The following TOP1 variants were observed in gnomAD, a reference collection of about 807,000 sequenced individuals.
TOP1 encodes DNA topoisomerase 1.
In TOP1, 10 loss-of-function variants were observed where a neutral mutation model predicts 111.1. The observed-to-expected ratio is 0.09, with a 90% confidence interval of 0.06 to 0.15. TOP1 has a LOEUF of 0.15. Ranked by LOEUF, TOP1 falls within the 10% of genes least tolerant of loss-of-function variation. The pLI, the probability that TOP1 is intolerant of heterozygous loss-of-function variation, is 1.00. For synonymous variants in TOP1, 271 were observed against 302.9 expected, an observed-to-expected ratio of 0.89 and a Z score of 1.10; for missense variants, 474 against 926.7, an observed-to-expected ratio of 0.51 and a Z score of 6.34.
intron 2 of TOP1, among the ~76,000 whole-genome samples, chr20:41,056,421 T>G (rs2033471673): frequency 6.6e-6 from 1 of 152,182 alleles, no homozygotes; most frequent in Non-Finnish European, 1.5e-5. Flanking sequence ...ATTAAGATAT[T>G]TGAAGAAGTT....
chr20:41,111,597 G>GCC (rs1290897472), intron 13 of TOP1, among the ~76,000 whole-genome samples: 15 of 58,342 alleles, frequency 2.6e-4, no homozygotes, highest in Non-Finnish European at 3.7e-4. Context: ...CCCACCCCCC[G>GCC]CCCCCTTTTT....
Position 41,095,503 on chromosome 20 carries a change from C to A in TOP1, c.731-1717C>A, listed in dbSNP as rs1000314568. 6.6e-6 allele frequency among the ~76,000 whole-genome samples: 1 copy of A among 152,168 alleles called. No homozygotes were observed. The highest frequency in any genetic ancestry group is 2.4e-5 in the African/African-American group (1 of 41,426). Reference sequence around the variant, plus strand: ...AATCTTTTAATACACAGCCTATCTTCCCCGAAGTGTCTTTCTTCCAAAGCA... The same window carrying A: ...AATCTTTTAATACACAGCCTATCTTACCCGAAGTGTCTTTCTTCCAAAGCA... On this transcript the variant is annotated intron_variant, in intron 9 of 20. Coordinates refer to ENST00000361337, the MANE Select transcript of TOP1 (RefSeq NM_003286.4). The surrounding 1 kb of genome is among the most constrained non-coding windows in gnomAD (Gnocchi z 4.6).
chr20:41,082,795 A>G lies in TOP1; in HGVS notation c.507+1555A>G, dbSNP rs972463531. The stretch of plus-strand genomic sequence containing the variant: ...CCACTTGCATATACCAAATCAGTAC[A>G]GACTAGTCAGTAAAGGAATATAAAA... On this transcript the variant is annotated intron_variant, in intron 7 of 20. Transcript: ENST00000361337. The surrounding 1 kb of genome is among the most constrained non-coding windows in gnomAD (Gnocchi z 4.1). Among the ~76,000 whole-genome samples, 1 of 152,042 alleles carries G rather than the reference A, an allele frequency of 6.6e-6. No homozygotes were observed. The highest frequency in any genetic ancestry group is 1.5e-5 in the Non-Finnish European group (1 of 68,018).
Position 41,098,594 on chromosome 20 carries a change from C to G in TOP1, c.975+257C>G, listed in dbSNP as rs2034014450. ...CCTAAAAACCAGTCAGTAACTCCAG[C>G]CAATAATATAGTAATTAAGGATGGG... is the stretch of plus-strand genomic sequence containing the variant. On this transcript the variant is annotated intron_variant, in intron 11 of 20. Coordinates refer to ENST00000361337, the MANE Select transcript of TOP1 (RefSeq NM_003286.4). This position sits in a 1 kb window ranked among gnomAD's most constrained non-coding sequence, Gnocchi z 5.7. 4 of 362,454 alleles carry G rather than the reference C, an allele frequency of 1.1e-5. No individual in the cohort carries two copies. The allele number at this position is 362,454 out of a possible 1,614,324, so 22.5% of individuals were successfully genotyped here. A position where few individuals can be genotyped will look rare whatever the true frequency, so the allele number is the denominator to read the frequency against.
At chr20:41,107,673 T>C (rs182855225) in intron 13 of TOP1, among the ~76,000 whole-genome samples, 273 of 152,374 alleles carry the variant, frequency 1.8e-3, no homozygotes, top group African/African-American at 6.2e-3. Context: ...TTCTATAAAA[T>C]GTTACCTGAA....
intron 8 of TOP1, among the ~76,000 whole-genome samples, chr20:41,090,062 C>T (rs1568692943): frequency 6.6e-6 from 1 of 152,088 alleles, no homozygotes; most frequent in Non-Finnish European, 1.5e-5. Context: ...CAACATCTGC[C>T]TCCCAGGTTC....
At position 41,067,934 on chromosome 20, in the gene TOP1, C is replaced by T. The variant is rs1025424988; in HGVS notation, c.155+6444C>T. ...GGTATTAAGAATCATTTCATCTTGT[C>T]TTCTCTTTGTGTGGACAGGAGTCTG... is the stretch of plus-strand genomic sequence containing the variant. On this transcript the variant is annotated intron_variant, in intron 3 of 20. Coordinates refer to ENST00000361337, the MANE Select transcript of TOP1 (RefSeq NM_003286.4). This position sits in a 1 kb window ranked among gnomAD's most constrained non-coding sequence, Gnocchi z 4.0. Among the ~76,000 whole-genome samples, 31 of 152,202 alleles carry T rather than the reference C, an allele frequency of 2.0e-4. No homozygotes were observed. The highest frequency in any genetic ancestry group is 4.4e-5 in the Non-Finnish European group (3 of 68,036).
intron 2 of TOP1, among the ~76,000 whole-genome samples, chr20:41,042,820 A>G (rs1453192951): frequency 6.6e-6 from 1 of 152,258 alleles, no homozygotes; most frequent in African/African-American, 2.4e-5. Context: ...TGTATTATAT[A>G]CTATGATCTC....
chr20:41,084,998 CAT>C (rs1347643033), intron 8 of TOP1, among the ~76,000 whole-genome samples: 3 of 151,000 alleles, frequency 2.0e-5, no homozygotes, highest in Non-Finnish European at 4.4e-5. Context: ...TGAAGCAAGA[CAT>C]AACCAGAGCC....
At chr20:41,036,433 T>C (rs2033186275) in intron 2 of TOP1, among the ~76,000 whole-genome samples, 1 of 152,270 alleles carries the variant, frequency 6.6e-6, no homozygotes, top group Non-Finnish European at 1.5e-5. Flanking sequence ...AACCTTGTTT[T>C]CTTATCCATA....
At chr20:41,086,578 G>A (rs1004209648) in intron 8 of TOP1, among the ~76,000 whole-genome samples, 3 of 152,222 alleles carry the variant, frequency 2.0e-5, no homozygotes, top group African/African-American at 4.8e-5. Flanking sequence ...AGGCAAGTGC[G>A]CTGGGTCCAG....
rs558801463 is a variant in TOP1, at chr20:41,052,509, C to T, written c.59-8885C>T. On this transcript the variant is annotated intron_variant, in intron 2 of 20. Coordinates refer to ENST00000361337, the MANE Select transcript of TOP1 (RefSeq NM_003286.4). ...TTGACCTTGTACTTGGTTTCCATAT[C>T]TGCAGCTTCATTGTCATTTTGGGTT... 1.5e-4 allele frequency among the ~76,000 whole-genome samples: 23 copies of T among 152,270 alleles called. 1 individual carries two copies. In the South Asian group the frequency reaches 4.8e-3, roughly 32 times the overall value.
intron 2 of TOP1, among the ~76,000 whole-genome samples, chr20:41,041,056 A>G (rs1369923000): frequency 1.3e-5 from 2 of 152,092 alleles, no homozygotes; most frequent in African/African-American, 4.8e-5. Context: ...CTTTCTAGGG[A>G]AGTCTGCCTG....
intron 13 of TOP1, among the ~76,000 whole-genome samples, chr20:41,111,669 G>C (rs2034244284): frequency 7.1e-6 from 1 of 140,964 alleles, no homozygotes; most frequent in Non-Finnish European, 1.5e-5. Flanking sequence ...CTTCACCACA[G>C]GTCTTATGTC....
In TOP1 at chr20:41,112,090, G is replaced by A. The variant is rs114365376; in HGVS notation, c.1309-692G>A. On this transcript the variant is annotated intron_variant, in intron 13 of 20. Transcript: ENST00000361337. The surrounding 1 kb of genome is among the most constrained non-coding windows in gnomAD (Gnocchi z 5.8). ...ACATAGTTTCTCTCAATCTCATCAA[G>A]AAATGCTTTTAAATGCAGAAGTTAG... 2.2e-3 allele frequency among the ~76,000 whole-genome samples: 333 copies of A among 152,246 alleles called. 1 individual carries two copies. Among genetic ancestry groups the A allele is most frequent in the African/African-American group, 7.6e-3 (315 of 41,538 alleles).
intron 13 of TOP1, among the ~76,000 whole-genome samples, chr20:41,107,661 T>G (rs536007618): frequency 7.2e-5 from 11 of 152,360 alleles, no homozygotes; most frequent in Non-Finnish European, 1.6e-4. Context: ...TTTGTAAGAT[T>G]GTTCTATAAA....
rs2033765325 is a variant in TOP1, at chr20:41,079,533, G to T, written c.336-552G>T. Among the ~76,000 whole-genome samples the T allele has an allele frequency of 6.6e-6, 1 of 152,190 alleles. No homozygotes were observed. Among genetic ancestry groups the T allele is most frequent in the Admixed American group, 6.5e-5 (1 of 15,282 alleles). On this transcript the variant is annotated intron_variant, in intron 5 of 20. Transcript: ENST00000361337. The surrounding 1 kb of genome is among the most constrained non-coding windows in gnomAD (Gnocchi z 4.0). Reference sequence around the variant, plus strand: ...CATAGGATACCTTCTGTTTATTCTGGTTTAACACGTGCCCTACTTTTGTTG... The same window carrying T: ...CATAGGATACCTTCTGTTTATTCTGTTTTAACACGTGCCCTACTTTTGTTG...
intron 8 of TOP1, among the ~76,000 whole-genome samples, chr20:41,086,984 T>G (rs2033856631): frequency 6.6e-6 from 1 of 152,214 alleles, no homozygotes; most frequent in Admixed American, 6.5e-5. Context: ...GATGACCTAG[T>G]CGGGGAGTTA....
At position 41,046,352 on chromosome 20, in the gene TOP1, T is replaced by G. The variant is rs906597717; in HGVS notation, c.59-15042T>G. ...AAGCCACAGAGCAGGGAGGCTAATC[T>G]AGGCCTACCTCATGCCACAGCCTGA... On this transcript the variant is annotated intron_variant, in intron 2 of 20. Transcript: ENST00000361337. The surrounding 1 kb of genome is among the most constrained non-coding windows in gnomAD (Gnocchi z 4.3). Among the ~76,000 whole-genome samples, 4 of 152,194 alleles carry G rather than the reference T, an allele frequency of 2.6e-5. No individual in the cohort carries two copies. The highest frequency in any genetic ancestry group is 4.4e-5 in the Non-Finnish European group (3 of 68,036).
Sources: allele counts gnomAD v4.1 joint callset (sites outside exome capture counted in the v4.1 genomes callset), GRCh38; gene constraint gnomAD v4.1.1; non-coding constraint Gnocchi (gnomAD v3.1); transcripts MANE v1.5; gene names NCBI Gene and HGNC (gene_info 2026-07-23, HGNC 2026-07-21).